Variants in FARP1 observed in about 807,000 individuals in gnomAD.
The protein encoded by FARP1 is FERM, ARHGEF and pleckstrin domain-containing protein 1.
FARP1 carries 52 observed loss-of-function variants against 128.8 expected under a neutral mutation model. The observed-to-expected ratio is 0.40, with a 90% CI of 0.32 to 0.51. The LOEUF is 0.51. FARP1 is among the 20% of genes least tolerant of loss of function. The pLI is 0.45. For missense variants in FARP1, 1,333 were observed against 1,367.9 expected (o/e 0.97, Z 0.40); for synonymous variants, 580 against 551.8 (o/e 1.05, Z -0.72).
chr13:98,327,931 TA>T (rs141877990), intron 2 of FARP1, among the ~76,000 whole-genome samples: 15,455 of 152,112 alleles, frequency 0.1, 1,352 homozygotes, highest in African/African-American at 0.24. Flanking sequence ...GCATATTCAA[TA>T]AGCTATGGGG....
chr13:98,271,940 G>C (rs1185283312), intron 2 of FARP1, among the ~76,000 whole-genome samples: 1 of 151,980 alleles, frequency 6.6e-6, no homozygotes, highest in Non-Finnish European at 1.5e-5. Flanking sequence ...TAATCCTTTG[G>C]GTTTATACCC....
chr13:98,424,697 C>G, intron 17 of FARP1, 47 bp downstream of exon 17: 1 of 1,341,500 alleles, frequency 7.5e-7, no homozygotes. Flanking sequence ...CAAGGAGAAT[C>G]GAGCGGGGCT....
intron 2 of FARP1, among the ~76,000 whole-genome samples, chr13:98,237,698 T>C (rs1481027768): frequency 1.3e-5 from 2 of 152,222 alleles, no homozygotes; most frequent in Admixed American, 6.5e-5. Context: ...CTGGAAGTGC[T>C]CTCAGGAAGC....
rs770039478 is a variant in FARP1, at chr13:98,411,930, C to A, written c.1722C>A (p.Asp574Glu). Residue 574 changes from aspartate to glutamate, a missense_variant, in exon 16 of 27, where the codon GAC becomes GAA. Coordinates refer to ENST00000319562, the MANE Select transcript of FARP1 (RefSeq NM_005766.4). Reference sequence around the variant, plus strand: ...TTCAGAGCACAGTGAGCAAAGAGGACGCCATGCCGGAAGCACTGAAAAGTC... The same window carrying A: ...TTCAGAGCACAGTGAGCAAAGAGGAAGCCATGCCGGAAGCACTGAAAAGTC... ...SWFQSTVSKE[D>E]AMPEALKSLI... The A allele has an allele frequency of 6.2e-7, 1 of 1,614,050 alleles. No individual in the cohort carries two copies. The highest frequency in any genetic ancestry group is 1.1e-5 in the South Asian group (1 of 91,080).
At chr13:98,420,528 G>A (rs1891555360) in intron 16 of FARP1, among the ~76,000 whole-genome samples, 1 of 152,228 alleles carries the variant, frequency 6.6e-6, no homozygotes, top group Non-Finnish European at 1.5e-5. Flanking sequence ...GTGTGTGGGT[G>A]TGTGTTGCGT....
At chr13:98,294,250 C>G (rs1885567102) in intron 2 of FARP1, among the ~76,000 whole-genome samples, 1 of 152,040 alleles carries the variant, frequency 6.6e-6, no homozygotes, top group South Asian at 2.1e-4. Flanking sequence ...TTATGATCAC[C>G]AGTGAAGAAA....
At chr13:98,387,098 C>T (rs1375119613) in intron 8 of FARP1, among the ~76,000 whole-genome samples, 11 of 152,060 alleles carry the variant, frequency 7.2e-5, no homozygotes, top group African/African-American at 1.9e-4. Flanking sequence ...GTCAGGAGTT[C>T]GAGACTAGCC....
chr13:98,148,373 C>T (rs1323038321), intron 1 of FARP1, among the ~76,000 whole-genome samples: 2 of 152,066 alleles, frequency 1.3e-5, no homozygotes, highest in Admixed American at 1.3e-4. Context: ...AGTGAAACTC[C>T]GTTTCAAGAA....
At chr13:98,423,740 G>A (rs1342074226) in intron 16 of FARP1, among the ~76,000 whole-genome samples, 2 of 152,160 alleles carry the variant, frequency 1.3e-5, no homozygotes, top group Admixed American at 6.5e-5. Context: ...GCCTCAGACG[G>A]TTTCTATGAG....
chr13:98,358,021 G>A (rs1357745138), intron 3 of FARP1, among the ~76,000 whole-genome samples: 1 of 151,460 alleles, frequency 6.6e-6, no homozygotes, highest in Non-Finnish European at 1.5e-5. Context: ...GGAATAGGTA[G>A]TATTCCTGGC....
chr13:98,240,005 C>A (rs754971621), intron 2 of FARP1, among the ~76,000 whole-genome samples: 2 of 152,202 alleles, frequency 1.3e-5, no homozygotes, highest in East Asian at 3.9e-4. Context: ...AGGTGATATC[C>A]GTGGTGATCC....
At chr13:98,186,386 A>G (rs978681349) in intron 1 of FARP1, among the ~76,000 whole-genome samples, 15 of 151,756 alleles carry the variant, frequency 9.9e-5, no homozygotes, top group African/African-American at 3.6e-4. Flanking sequence ...GGGATTACAG[A>G]TGTGAGCCAC....
At chr13:98,313,435 C>T (rs1886580662) in intron 2 of FARP1, among the ~76,000 whole-genome samples, 2 of 152,216 alleles carry the variant, frequency 1.3e-5, no homozygotes, top group Admixed American at 6.5e-5. Flanking sequence ...GATGCCAGGG[C>T]TTGCCAGCGC....
chr13:98,360,331 G>A (rs1888820110), intron 3 of FARP1, among the ~76,000 whole-genome samples: 1 of 152,160 alleles, frequency 6.6e-6, no homozygotes, highest in Admixed American at 6.5e-5. Context: ...CCTGACCTCA[G>A]ATGATCCACC....
Position 98,390,053 on chromosome 13 carries a change from C to A in FARP1, c.952C>A (p.Leu318Ile). The A allele has an allele frequency of 6.2e-7, 1 of 1,614,152 alleles. No homozygotes were observed. Among genetic ancestry groups the A allele is most frequent in the Non-Finnish European group, 8.5e-7 (1 of 1,180,024 alleles). The change falls in exon 10 of 27, where the codon CTT (leucine) becomes ATT (isoleucine). Residue 318 changes from leucine to isoleucine, a missense_variant. Leu to Ile is a conservative substitution (Grantham distance 5). Coordinates refer to ENST00000319562, the MANE Select transcript of FARP1 (RefSeq NM_005766.4). ...ICVEHHAFFRLFEEPKPKPKP... is the reference protein window; with the variant it reads ...ICVEHHAFFRIFEEPKPKPKP... The stretch of plus-strand genomic sequence containing the variant: ...TGTTGAACATCATGCCTTCTTTAGA[C>A]TTTTTGAAGAGCCCAAACCAAAGCC...
chr13:98,146,480 G>C (rs1331987731), intron 1 of FARP1, among the ~76,000 whole-genome samples: 1 of 152,184 alleles, frequency 6.6e-6, no homozygotes, highest in African/African-American at 2.4e-5. Flanking sequence ...TGCCCGCTTC[G>C]GCCTCTCAAA....
At chr13:98,444,958 A>C (rs1363891597) in intron 24 of FARP1, among the ~76,000 whole-genome samples, 1 of 151,666 alleles carries the variant, frequency 6.6e-6, no homozygotes, top group South Asian at 2.1e-4. Flanking sequence ...CCACTGGGGG[A>C]GGAGGATGGA....
intron 1 of FARP1, among the ~76,000 whole-genome samples, chr13:98,144,567 C>T (rs546733272): frequency 6.6e-6 from 1 of 152,282 alleles, no homozygotes; most frequent in South Asian, 2.1e-4. Flanking sequence ...TGGAAACCCC[C>T]GGGGGCCCCT....
At chr13:98,213,825 G>T (rs963384544) in intron 2 of FARP1, among the ~76,000 whole-genome samples, 31 of 152,222 alleles carry the variant, frequency 2.0e-4, no homozygotes, top group African/African-American at 2.4e-5. Context: ...GTTTGTGGCA[G>T]GGGGGCTGTC....
Sources: allele counts gnomAD v4.1 joint callset (sites outside exome capture counted in the v4.1 genomes callset), GRCh38; gene constraint gnomAD v4.1.1; transcripts MANE v1.5; gene names NCBI Gene and HGNC (gene_info 2026-07-23, HGNC 2026-07-21).